Variants in ANKRD44 observed in about 807,000 individuals in gnomAD.
The protein encoded by ANKRD44 is ankyrin repeat domain 44.
In ANKRD44, 35 loss-of-function variants were observed where a neutral mutation model predicts 116.0. That is an observed-to-expected ratio of 0.30 (90% confidence interval 0.23 to 0.40). The LOEUF (loss-of-function observed/expected upper bound fraction) is 0.40. Ranked by LOEUF, ANKRD44 falls within the 10% of genes least tolerant of loss-of-function variation. The pLI is 1.00. For synonymous variants in ANKRD44, 435 were observed against 461.8 expected (o/e 0.94, Z 0.74); for missense variants, 1,014 against 1,242.6 (o/e 0.82, Z 2.77).
intron 1 of ANKRD44, among the ~76,000 whole-genome samples, chr2:197,278,934 T>C (rs2083183961): frequency 6.6e-6 from 1 of 152,198 alleles, no homozygotes; most frequent in Non-Finnish European, 1.5e-5. Flanking sequence ...TCCCTCCACG[T>C]GGAATTCTCA....
chr2:197,024,611 C>T (rs1051969896), intron 17 of ANKRD44, among the ~76,000 whole-genome samples: 1 of 152,178 alleles, frequency 6.6e-6, no homozygotes, highest in Admixed American at 6.5e-5. Context: ...GGAGAGGAAG[C>T]GTTACTGGTG....
At chr2:197,294,696 CTTTAAGA>C (rs1656172362) in intron 1 of ANKRD44, among the ~76,000 whole-genome samples, 1 of 152,130 alleles carries the variant, frequency 6.6e-6, no homozygotes, top group South Asian at 2.1e-4. Flanking sequence ...TAGTAGACAG[CTTTAAGA>C]TTTATTTTTA....
At chr2:196,976,784 C>A (rs565159202) in intron 21 of ANKRD44, among the ~76,000 whole-genome samples, 3 of 151,978 alleles carry the variant, frequency 2.0e-5, no homozygotes, top group African/African-American at 7.3e-5. Context: ...AGAAGGATCA[C>A]CTGAGCCCAG....
At chr2:197,102,088 A>T (rs942382672) in intron 9 of ANKRD44, among the ~76,000 whole-genome samples, 1 of 152,142 alleles carries the variant, frequency 6.6e-6, no homozygotes, top group Non-Finnish European at 1.5e-5. Context: ...ACAAAAAAAA[A>T]TCCCCCTACT....
intron 21 of ANKRD44, among the ~76,000 whole-genome samples, chr2:196,977,269 A>G (rs1304230873): frequency 6.6e-6 from 1 of 152,228 alleles, no homozygotes; most frequent in Non-Finnish European, 1.5e-5. Context: ...GATTCTAAGT[A>G]TAAGAGCTAA....
intron 1 of ANKRD44, among the ~76,000 whole-genome samples, chr2:197,214,249 T>G (rs1422446370): frequency 1.3e-5 from 2 of 152,084 alleles, no homozygotes; most frequent in African/African-American, 4.8e-5. Context: ...CATAATAAAA[T>G]ATGGCACATC....
chr2:196,994,232 G>A (rs1174841479), intron 26 of ANKRD44, among the ~76,000 whole-genome samples: 1 of 152,050 alleles, frequency 6.6e-6, no homozygotes, highest in African/African-American at 2.4e-5. Flanking sequence ...ACCCAGGCTG[G>A]AGTGCAGTGG....
intron 4 of ANKRD44, among the ~76,000 whole-genome samples, chr2:197,127,871 C>G (rs149027953): frequency 6.6e-6 from 1 of 152,106 alleles, no homozygotes; most frequent in Admixed American, 6.6e-5. Flanking sequence ...TCACATGTCC[C>G]TCTGTTCTCA....
At position 197,089,969 on chromosome 2, in the gene ANKRD44, G is replaced by A. The variant is rs1178954304; in HGVS notation, c.1164C>T (p.Cys388=). Residue 388 remains cysteine, a synonymous_variant, in exon 11 of 28, where the codon TGC becomes TGT. Transcript: ENST00000282272. ...ACTTACCCGATGATAACAACTTTCT[G>A]CAGCAGTCAGAGTGAGCATTTAGGG... ...LAALNAHSDC[C]RKLLSSGFEI... 5 of 1,613,870 alleles carry A rather than the reference G, an allele frequency of 3.1e-6. No individual in the cohort carries two copies. The highest frequency in any genetic ancestry group is 1.6e-4 in the Middle Eastern group (1 of 6,084).
At position 197,162,638 on chromosome 2, in the gene ANKRD44, A is replaced by G. The variant is rs1026098945; in HGVS notation, c.112-15533T>C. On this transcript the variant is annotated intron_variant, in intron 2 of 27. Transcript: ENST00000282272. ...TTTTGGGTCACTCGAAAGTCTTTTC[A>G]CACTGAGCTCAAGTGTCCTTTCCTC... is the stretch of plus-strand genomic sequence containing the variant. Among the ~76,000 whole-genome samples, 4 of 152,188 alleles carry G rather than the reference A, an allele frequency of 2.6e-5. No homozygotes were observed. In the South Asian group the frequency reaches 8.3e-4, roughly 31 times the overall value.
At position 197,097,418 on chromosome 2, in the gene ANKRD44, C is replaced by T. The variant is rs79451640; in HGVS notation, c.1100+2398G>A. 5.6e-4 allele frequency among the ~76,000 whole-genome samples: 86 copies of T among 152,300 alleles called. No individual in the cohort carries two copies. The East Asian group carries it at 0.014, about 26-fold the overall frequency. The stretch of plus-strand genomic sequence containing the variant: ...TATTATCTCTATCTTTGGGCATCTA[C>T]GATCTGGTTCAGAACTCCAGAACCT... On this transcript the variant is annotated intron_variant, in intron 10 of 27. Transcript: ENST00000282272.
chr2:197,157,307 G>A (rs1372917295), intron 2 of ANKRD44, among the ~76,000 whole-genome samples: 1 of 152,166 alleles, frequency 6.6e-6, no homozygotes, highest in African/African-American at 2.4e-5. Context: ...GTTATGCCCT[G>A]GTTATGTGTG....
At chr2:197,260,656 A>G (rs2082577701) in intron 1 of ANKRD44, among the ~76,000 whole-genome samples, 1 of 152,042 alleles carries the variant, frequency 6.6e-6, no homozygotes, top group Non-Finnish European at 1.5e-5. Flanking sequence ...AGGAATCTCC[A>G]CACTGACTTC....
At chr2:197,200,061 C>T (rs2081058693) in intron 1 of ANKRD44, among the ~76,000 whole-genome samples, 1 of 152,144 alleles carries the variant, frequency 6.6e-6, no homozygotes, top group Non-Finnish European at 1.5e-5. Context: ...TGACATAGTC[C>T]TTTCCTAAAA....
intron 21 of ANKRD44, among the ~76,000 whole-genome samples, chr2:196,976,469 T>C (rs538588161): frequency 1.3e-5 from 2 of 152,188 alleles, no homozygotes; most frequent in South Asian, 4.1e-4. Flanking sequence ...TCAAAAAAAG[T>C]AATAAAAGCT....
At position 197,274,008 on chromosome 2, in the gene ANKRD44, T is replaced by TAGATATATATAGATATATATAG. The variant is rs1202436629; in HGVS notation, c.27+36569_27+36570insCTATATATATCTATATATATCT. Among the ~76,000 whole-genome samples, 4 of 64,186 alleles carry TAGATATATATAGATATATATAG rather than the reference T, an allele frequency of 6.2e-5. 1 individual carries two copies. Among genetic ancestry groups the TAGATATATATAGATATATATAG allele is most frequent in the Non-Finnish European group, 1.1e-4 (4 of 35,540 alleles). The allele number at this position is 64,186 out of a possible 152,430, so 42.1% of individuals were successfully genotyped here. A position where few individuals can be genotyped will look rare whatever the true frequency, so the allele number is the denominator to read the frequency against. ...ATATATATATATATATATATATATATATATATATATATATATATATGAATC... is the reference window on the plus strand; with the variant it reads ...ATATATATATATATATATATATATATAGATATATATAGATATATATAGATATATATATATATATATATGAATC... On this transcript the variant is annotated intron_variant, in intron 1 of 27. Transcript: ENST00000282272.
chr2:197,009,003 C>T lies in ANKRD44; in HGVS notation c.1953G>A (p.Arg651=). The T allele has an allele frequency of 1.2e-6, 2 of 1,614,092 alleles. No homozygotes were observed. The highest frequency in any genetic ancestry group is 1.7e-6 in the Non-Finnish European group (2 of 1,179,970). ...GGTTGTCTGCAATTTCTAGCAACAG[C>T]CGTAAACACAGTGTGTGACCATTAA... ...SVINGHTLCL[R]LLLEIADNPE... The change falls in exon 19 of 28, where the codon CGG becomes CGA. Residue 651 remains arginine (R), a synonymous_variant. Transcript: ENST00000282272.
At chr2:197,261,741 T>C (rs181143645) in intron 1 of ANKRD44, among the ~76,000 whole-genome samples, 2 of 152,266 alleles carry the variant, frequency 1.3e-5, no homozygotes, top group East Asian at 3.9e-4. Flanking sequence ...TCTGAGACTT[T>C]TCGTTGCTAA....
At chr2:197,266,343 G>A (rs2082740802) in intron 1 of ANKRD44, among the ~76,000 whole-genome samples, 1 of 152,038 alleles carries the variant, frequency 6.6e-6, no homozygotes, top group Non-Finnish European at 1.5e-5. Context: ...GGATGCCAGA[G>A]GAAAGGGGGA....
Sources: allele counts gnomAD v4.1 joint callset (sites outside exome capture counted in the v4.1 genomes callset), GRCh38; gene constraint gnomAD v4.1.1; transcripts MANE v1.5; gene names NCBI Gene and HGNC (gene_info 2026-07-23, HGNC 2026-07-21).